Variants in NCALD observed in about 807,000 individuals in gnomAD.
NCALD encodes the protein neurocalcin-delta.
In NCALD, 10 loss-of-function variants were observed where a neutral mutation model predicts 18.6. That is an observed-to-expected ratio of 0.54 (90% CI 0.33 to 0.91). The LOEUF (loss-of-function observed/expected upper bound fraction) is 0.91, where lower values mean the gene tolerates loss of function less well. NCALD is among the 40% of genes least tolerant of loss of function. The pLI is 0.03. For missense variants in NCALD, 184 were observed against 247.6 expected (o/e 0.74, Z 1.72); for synonymous variants, 88 against 87.4 (o/e 1.01, Z -0.04).
chr8:101,691,497 A>G, intron 3 of NCALD: 1 of 985,338 alleles, frequency 1.0e-6, no homozygotes, highest in Non-Finnish European at 1.2e-6. Flanking sequence ...CTTCAGCCCT[A>G]TCCTGAAGAG....
chr8:101,718,605 C>T (rs528442856), intron 2 of NCALD, among the ~76,000 whole-genome samples: 2 of 152,246 alleles, frequency 1.3e-5, no homozygotes, highest in East Asian at 1.9e-4. Flanking sequence ...GCAGCCAGGA[C>T]GACTGGGCAA....
At chr8:102,031,292 G>T (rs141791477) in intron 1 of NCALD, among the ~76,000 whole-genome samples, 1 of 152,196 alleles carries the variant, frequency 6.6e-6, no homozygotes, top group Non-Finnish European at 1.5e-5. Flanking sequence ...AAGGGATGGA[G>T]CAGGAAGGTA....
At chr8:101,977,614 G>T (rs1023402059) in intron 2 of NCALD, among the ~76,000 whole-genome samples, 2 of 152,112 alleles carry the variant, frequency 1.3e-5, no homozygotes, top group African/African-American at 4.8e-5. Flanking sequence ...CCCATTAAAG[G>T]CCACACAGTT....
At chr8:101,798,822 G>C (rs937557260) in intron 4 of NCALD, among the ~76,000 whole-genome samples, 8 of 152,324 alleles carry the variant, frequency 5.3e-5, no homozygotes, top group African/African-American at 1.9e-4. Context: ...TACATCAATG[G>C]AACAGAATGG....
At chr8:102,086,688 G>A (rs184089140) in intron 1 of NCALD, among the ~76,000 whole-genome samples, 4 of 152,298 alleles carry the variant, frequency 2.6e-5, no homozygotes, top group Admixed American at 2.0e-4. Flanking sequence ...CCTGTCAGAG[G>A]TGTTTGAACC....
At chr8:101,982,827 C>T (rs1024309376) in intron 2 of NCALD, among the ~76,000 whole-genome samples, 1 of 144,676 alleles carries the variant, frequency 6.9e-6, no homozygotes, top group Non-Finnish European at 1.5e-5. Flanking sequence ...GGCGACAGAG[C>T]GAGACCCCAT....
At chr8:102,099,639 A>C (rs1177249322) in intron 1 of NCALD, among the ~76,000 whole-genome samples, 1 of 152,114 alleles carries the variant, frequency 6.6e-6, no homozygotes, top group African/African-American at 2.4e-5. Context: ...AAAAAAAAAA[A>C]AAATCAGAAA....
At chr8:102,117,186 T>C (rs564877669) in intron 1 of NCALD, among the ~76,000 whole-genome samples, 1 of 152,304 alleles carries the variant, frequency 6.6e-6, no homozygotes, top group South Asian at 2.1e-4. Context: ...CATTTTGTGG[T>C]CATTTGTTTC....
chr8:102,037,601 G>C (rs1822915071), intron 1 of NCALD, among the ~76,000 whole-genome samples: 2 of 151,954 alleles, frequency 1.3e-5, no homozygotes, highest in South Asian at 4.2e-4. Flanking sequence ...TAGGTGTTGA[G>C]ATTAAGGGCA....
At chr8:101,916,267 C>A (rs1586749262) in intron 2 of NCALD, among the ~76,000 whole-genome samples, 1 of 152,064 alleles carries the variant, frequency 6.6e-6, no homozygotes, top group Admixed American at 6.6e-5. Context: ...AACTATCCCA[C>A]CAAATTAAGC....
intron 1 of NCALD, among the ~76,000 whole-genome samples, chr8:101,776,234 C>G (rs57711234): frequency 0.15 from 22,847 of 152,130 alleles, 4,082 homozygotes; most frequent in African/African-American, 0.43. Flanking sequence ...ATCAAAAGCA[C>G]ATCCCTGTGC....
chr8:101,765,584 A>T (rs1586442307), intron 1 of NCALD, among the ~76,000 whole-genome samples: 2 of 152,344 alleles, frequency 1.3e-5, no homozygotes, highest in South Asian at 4.1e-4. Context: ...TCAGAATAAG[A>T]TTTGATTATC....
chr8:101,761,193 T>C (rs1213044683), intron 1 of NCALD, among the ~76,000 whole-genome samples: 1 of 152,176 alleles, frequency 6.6e-6, no homozygotes, highest in Admixed American at 6.5e-5. Flanking sequence ...AAGAAAGGAA[T>C]GTGGGATGCC....
At chr8:102,043,573 T>C (rs1185579849) in intron 1 of NCALD, among the ~76,000 whole-genome samples, 1 of 151,590 alleles carries the variant, frequency 6.6e-6, no homozygotes, top group African/African-American at 2.4e-5. Flanking sequence ...TGAACTAGAA[T>C]GGGACTTGAA....
At chr8:102,090,399 C>T (rs1036006952) in intron 1 of NCALD, among the ~76,000 whole-genome samples, 5 of 152,106 alleles carry the variant, frequency 3.3e-5, no homozygotes, top group Admixed American at 3.3e-4. Context: ...TAATCAGCTA[C>T]AGGACTTTGA....
At chr8:101,883,151 T>A (rs1310283309) in intron 4 of NCALD, among the ~76,000 whole-genome samples, 1 of 152,198 alleles carries the variant, frequency 6.6e-6, no homozygotes, top group Admixed American at 6.5e-5. Context: ...ACAGAAGGAC[T>A]GCTTAAGGCC....
At chr8:102,101,608 T>C (rs1825285566) in intron 1 of NCALD, among the ~76,000 whole-genome samples, 1 of 152,032 alleles carries the variant, frequency 6.6e-6, no homozygotes, top group Non-Finnish European at 1.5e-5. Context: ...GGAAATGGGG[T>C]GTTTTATGTG....
intron 1 of NCALD, among the ~76,000 whole-genome samples, chr8:102,094,987 A>G (rs1037122223): frequency 3.9e-5 from 6 of 152,210 alleles, no homozygotes; most frequent in African/African-American, 9.6e-5. Context: ...ACCTCCAGAG[A>G]ACTGTAAAGG....
intron 4 of NCALD, among the ~76,000 whole-genome samples, chr8:101,885,498 A>T (rs1563857606): frequency 6.6e-6 from 1 of 152,178 alleles, no homozygotes; most frequent in South Asian, 2.1e-4. Context: ...TCTCAAGCCC[A>T]CTAGTAGTCA....
Sources: allele counts gnomAD v4.1 joint callset (sites outside exome capture counted in the v4.1 genomes callset), GRCh38; gene constraint gnomAD v4.1.1; transcripts MANE v1.5; gene names NCBI Gene and HGNC (gene_info 2026-07-23, HGNC 2026-07-21).